STARD13: variants seen among roughly 807,000 people sequenced by gnomAD.
STARD13 encodes stAR-related lipid transfer protein 13.
A neutral mutation model predicts 106.4 loss-of-function variants in STARD13; 62 were observed. The ratio of observed to expected loss-of-function variants is 0.58; its 90% CI spans 0.48 to 0.72. STARD13 has a LOEUF of 0.72. STARD13 is among the 30% of genes least tolerant of loss of function. The probability of loss-of-function intolerance (pLI) is 0.00; values close to 1 mark genes in which losing one functional copy is unlikely to be tolerated. For missense variants in STARD13, 1,387 were observed against 1,424.0 expected (o/e 0.97, Z 0.42); for synonymous variants, 565 against 553.0 (o/e 1.02, Z -0.31).
the STARD13 span, among the ~76,000 whole-genome samples, chr13:33,602,018 A>G: frequency 6.6e-6 from 1 of 152,082 alleles, no homozygotes; most frequent in Non-Finnish European, 1.5e-5. Flanking sequence ...CTGAGAATAA[A>G]TAGGAGGATC....
rs187080047 is a variant in STARD13 at position 33,220,353 on chromosome 13, G to C, written c.170-52731C>G. 5.1e-3 allele frequency among the ~76,000 whole-genome samples: 782 copies of C among 152,226 alleles called. 2 individuals carry two copies. Among genetic ancestry groups the C allele is most frequent in the African/African-American group, 0.018 (751 of 41,540 alleles). ...AGAGAATGAGTATCAGCTGGTTGTA[G>C]ACAATGAATATTAGCTATAAGGGTG... On this transcript the variant is annotated intron_variant, in intron 1 of 13. Coordinates refer to ENST00000336934, the MANE Select transcript of STARD13 (RefSeq NM_178006.4).
chr13:33,411,133 T>A, the STARD13 span, among the ~76,000 whole-genome samples: 1 of 152,172 alleles, frequency 6.6e-6, no homozygotes, highest in Non-Finnish European at 1.5e-5. Flanking sequence ...CATAGCAAGA[T>A]TTACTACATC....
chr13:33,601,704 C>T, the STARD13 span, among the ~76,000 whole-genome samples: 26 of 152,184 alleles, frequency 1.7e-4, no homozygotes, highest in Non-Finnish European at 8.8e-5. Context: ...TTCCAGATCT[C>T]TTTCTATTAC....
chr13:33,646,065 C>A, the STARD13 span, among the ~76,000 whole-genome samples: 1,153 of 152,228 alleles, frequency 7.6e-3, 15 homozygotes, highest in African/African-American at 0.027. Context: ...CTTATCAAAG[C>A]AAATGCAAAA....
intron 1 of STARD13, among the ~76,000 whole-genome samples, chr13:33,266,812 C>T (rs184093300): frequency 1.3e-5 from 2 of 152,300 alleles, no homozygotes; most frequent in East Asian, 3.9e-4. Flanking sequence ...ATCACACTTA[C>T]TTATAATCTC....
the STARD13 span, among the ~76,000 whole-genome samples, chr13:33,433,273 C>A: frequency 6.6e-6 from 1 of 152,176 alleles, no homozygotes; most frequent in Admixed American, 6.5e-5. Context: ...TTTTCAATGT[C>A]TCTCATCCTC....
upstream of STARD13, among the ~76,000 whole-genome samples, chr13:33,286,107 G>A (rs1252184789): frequency 6.6e-6 from 1 of 151,974 alleles, no homozygotes; most frequent in Non-Finnish European, 1.5e-5. Context: ...CTTTCTACAG[G>A]GCAGCAGCAG....
chr13:33,227,191 C>A (rs998290074), intron 1 of STARD13, among the ~76,000 whole-genome samples: 5 of 152,224 alleles, frequency 3.3e-5, no homozygotes, highest in African/African-American at 4.8e-5. Context: ...GAAGTAACAT[C>A]AGATCTCTAG....
At chr13:33,398,045 C>A in the STARD13 span, among the ~76,000 whole-genome samples, 72 of 152,184 alleles carry the variant, frequency 4.7e-4, no homozygotes, top group African/African-American at 1.6e-3. Context: ...GCAAACATAG[C>A]AAATATGTTG....
At chr13:33,674,465 A>G in the STARD13 span, among the ~76,000 whole-genome samples, 1 of 152,258 alleles carries the variant, frequency 6.6e-6, no homozygotes, top group Non-Finnish European at 1.5e-5. Context: ...GTGTGGTTTC[A>G]TCAGGATTTG....
At chr13:33,597,938 A>G in the STARD13 span, among the ~76,000 whole-genome samples, 3 of 152,182 alleles carry the variant, frequency 2.0e-5, no homozygotes, top group African/African-American at 7.2e-5. Context: ...GATGGCTATT[A>G]TTTGATAGAT....
chr13:33,354,544 C>T (rs1053606997), upstream of STARD13, among the ~76,000 whole-genome samples: 1 of 152,208 alleles, frequency 6.6e-6, no homozygotes, highest in Non-Finnish European at 1.5e-5. Context: ...CCAGGTAGGA[C>T]TAGCACAGAA....
intron 1 of STARD13, among the ~76,000 whole-genome samples, chr13:33,296,936 AT>A (rs1892519064): frequency 6.6e-6 from 1 of 152,176 alleles, no homozygotes; most frequent in Non-Finnish European, 1.5e-5. Context: ...ACTTTTTAAA[AT>A]TCCACATGTA....
At chr13:33,113,522 G>A (rs758543932) in intron 8 of STARD13, 11 of 513,290 alleles carry the variant, frequency 2.1e-5, no homozygotes, top group Non-Finnish European at 3.5e-5. Flanking sequence ...CCAGCTTCTC[G>A]AGGGGAAGCC....
chr13:33,156,040 G>A (rs1187411053), intron 3 of STARD13, among the ~76,000 whole-genome samples: 1 of 152,216 alleles, frequency 6.6e-6, no homozygotes, highest in Non-Finnish European at 1.5e-5. Context: ...GCAAATGAAT[G>A]ACTGCCAAAC....
the STARD13 span, among the ~76,000 whole-genome samples, chr13:33,502,310 T>C: frequency 3.3e-5 from 5 of 152,328 alleles, no homozygotes; most frequent in Admixed American, 1.3e-4. Flanking sequence ...TTTCTAAATA[T>C]ACAATCATGT....
chr13:33,645,369 A>G, the STARD13 span, among the ~76,000 whole-genome samples: 1 of 152,180 alleles, frequency 6.6e-6, no homozygotes, highest in African/African-American at 2.4e-5. Flanking sequence ...CAGACAGCCA[A>G]GCTACCAGAT....
chr13:33,657,326 C>T, the STARD13 span: 2 of 152,078 alleles, frequency 1.3e-5, no homozygotes, highest in African/African-American at 4.8e-5. Flanking sequence ...CCCCCAATAC[C>T]TGATTCATTC....
At chr13:33,240,821 G>A (rs1261130853) in intron 1 of STARD13, among the ~76,000 whole-genome samples, 1 of 151,006 alleles carries the variant, frequency 6.6e-6, no homozygotes, top group African/African-American at 2.4e-5. Flanking sequence ...ATTTCCTTTT[G>A]ATAGTACTAT....
Sources: allele counts gnomAD v4.1 joint callset (sites outside exome capture counted in the v4.1 genomes callset), GRCh38; gene constraint gnomAD v4.1.1; transcripts MANE v1.5; gene names NCBI Gene and HGNC (gene_info 2026-07-23, HGNC 2026-07-21).